FAM133B: variants seen among roughly 807,000 people sequenced by gnomAD.
FAM133B encodes the protein protein FAM133B.
Under a neutral mutation model 46.4 loss-of-function variants are expected in FAM133B, and 25 were observed. The observed-to-expected ratio is 0.54, with a 90% confidence interval of 0.39 to 0.75. FAM133B has a LOEUF of 0.75. FAM133B is among the 30% of genes least tolerant of loss of function. The pLI is 0.00. For synonymous variants in FAM133B, 75 were observed against 86.0 expected (o/e 0.87, Z 0.71); for missense variants, 205 against 277.6 (o/e 0.74, Z 1.86).
intron 9 of FAM133B, among the ~76,000 whole-genome samples, chr7:92,569,096 A>T (rs1019227931): frequency 3.3e-5 from 5 of 152,212 alleles, no homozygotes; most frequent in African/African-American, 1.2e-4. Flanking sequence ...AAGAATCATG[A>T]AAACCAGCTC....
intron 7 of FAM133B, among the ~76,000 whole-genome samples, chr7:92,576,095 G>A (rs75520111): frequency 0.044 from 6,728 of 152,246 alleles, 430 homozygotes; most frequent in East Asian, 0.31. Flanking sequence ...ATAGGACTTC[G>A]TGTCATTGCC....
intron 1 of FAM133B, among the ~76,000 whole-genome samples, chr7:92,583,569 T>C (rs1014723595): frequency 6.6e-6 from 1 of 152,150 alleles, no homozygotes; most frequent in African/African-American, 2.4e-5. Flanking sequence ...CAAAAACATA[T>C]TGAGGCAAAA....
At chr7:92,589,708 T>A (rs1585320898) in intron 1 of FAM133B, among the ~76,000 whole-genome samples, 1 of 152,162 alleles carries the variant, frequency 6.6e-6, no homozygotes, top group Admixed American at 6.5e-5. Flanking sequence ...TACAGGGCGC[T>A]GGAGACACGA....
chr7:92,566,550 G>T (rs1794355794), intron 9 of FAM133B, among the ~76,000 whole-genome samples: 1 of 152,208 alleles, frequency 6.6e-6, no homozygotes, highest in Non-Finnish European at 1.5e-5. Flanking sequence ...GTTGAGATGG[G>T]AGGATCACTT....
At chr7:92,572,086 T>C (rs540175758) in intron 8 of FAM133B, among the ~76,000 whole-genome samples, 11 of 152,284 alleles carry the variant, frequency 7.2e-5, no homozygotes, top group African/African-American at 2.4e-4. Flanking sequence ...AAAGCCTTTA[T>C]ATAATTATAA....
chr7:92,573,034 AAAAG>A (rs1281758852), intron 8 of FAM133B, among the ~76,000 whole-genome samples: 4 of 152,180 alleles, frequency 2.6e-5, no homozygotes, highest in Non-Finnish European at 4.4e-5. Context: ...AATTAAAAAA[AAAAG>A]AAACTCAATA....
At chr7:92,588,119 C>T (rs1014300168) in intron 1 of FAM133B, among the ~76,000 whole-genome samples, 1 of 152,138 alleles carries the variant, frequency 6.6e-6, no homozygotes, top group African/African-American at 2.4e-5. Flanking sequence ...TGTCTTCTAC[C>T]TCTTAATTTC....
At chr7:92,578,277 A>AC in intron 4 of FAM133B, 42 bp downstream of exon 4, 1 of 1,607,498 alleles carries the variant, frequency 6.2e-7, no homozygotes, top group Non-Finnish European at 8.5e-7. Flanking sequence ...TGAAAATCCA[A>AC]CTATGAGATT....
chr7:92,590,319 G>C lies in FAM133B; in HGVS notation c.-28C>G, dbSNP rs575996256. 4.3e-6 allele frequency: 7 copies of C among 1,613,574 alleles called. No homozygotes were observed. The highest frequency in any genetic ancestry group is 5.9e-6 in the Non-Finnish European group (7 of 1,179,728). Reference sequence around the variant, plus strand: ...TGCTGGATCGAGCGCACAGTAGCACGCCGAGGGAAACCGGGCCGGAGAGAC... The same window carrying C: ...TGCTGGATCGAGCGCACAGTAGCACCCCGAGGGAAACCGGGCCGGAGAGAC... On this transcript the variant is annotated 5_prime_UTR_variant, in exon 1 of 11. Transcript: ENST00000445716.
intron 1 of FAM133B, chr7:92,589,970 T>G: frequency 6.2e-6 from 3 of 481,938 alleles, no homozygotes; most frequent in South Asian, 2.7e-5. Flanking sequence ...GCCCTCGCGG[T>G]TCTAAGTGGG....
intron 1 of FAM133B, among the ~76,000 whole-genome samples, chr7:92,583,073 G>C (rs117047135): frequency 6.6e-6 from 1 of 152,114 alleles, no homozygotes; most frequent in Non-Finnish European, 1.5e-5. Flanking sequence ...TGGAAACAAC[G>C]CAAATGTCCA....
chr7:92,566,736 C>A (rs765601374), intron 9 of FAM133B, among the ~76,000 whole-genome samples: 5 of 152,196 alleles, frequency 3.3e-5, no homozygotes, highest in Non-Finnish European at 7.3e-5. Context: ...TAGATAATAT[C>A]CACCCTCAAG....
chr7:92,579,175 G>A (rs1027720671), intron 3 of FAM133B, 142 bp downstream of exon 3: 5 of 563,242 alleles, frequency 8.9e-6, no homozygotes, highest in South Asian at 5.8e-5. Context: ...AAGGGCGGCG[G>A]GGGGGGGCCT....
At position 92,562,167 on chromosome 7, in the gene FAM133B, T is replaced by C. The variant is rs1585291860; in HGVS notation, c.*115A>G. ...GAGTGGCTACTGAATAGTCCAGGAA[T>C]AATTCCAAAAACAAGAAAATTCATG... On this transcript the variant is annotated 3_prime_UTR_variant, in exon 11 of 11. Transcript: ENST00000445716. 7.6e-7 allele frequency: 1 copy of C among 1,323,630 alleles called. No individual in the cohort carries two copies. Among genetic ancestry groups the C allele is most frequent in the Non-Finnish European group, 1.0e-6 (1 of 993,642 alleles). 82.0% of individuals were successfully genotyped at this position (1,323,630 alleles called of 1,614,324 possible).
rs1488191163 is a variant in FAM133B at position 92,569,904 on chromosome 7, T to C, written c.528A>G (p.Gly176=). 3.7e-6 allele frequency: 5 copies of C among 1,353,322 alleles called. No homozygotes were observed. The highest frequency in any genetic ancestry group is 3.9e-6 in the Non-Finnish European group (4 of 1,032,316). The allele number at this position is 1,353,322 out of a possible 1,614,324, so 83.8% of individuals were successfully genotyped here. Residue 176 remains glycine, a synonymous_variant, in exon 9 of 11, where the codon GGA becomes GGG. Coordinates refer to ENST00000445716, the MANE Select transcript of FAM133B (RefSeq NM_152789.4). ...DGTEKEKDIK[G]LSKKRKMYSE... is the part of the protein sequence containing the mutation. ...AATACATCTTTCTCTTTTTGCTGAG[T>C]CCTTTAATATCCTATGAAAAATAAA...
intron 1 of FAM133B, among the ~76,000 whole-genome samples, chr7:92,582,759 G>A (rs1169700587): frequency 6.6e-6 from 1 of 152,138 alleles, no homozygotes; most frequent in African/African-American, 2.4e-5. Context: ...CTAGTCATTA[G>A]GGAAATGTAA....
chr7:92,583,990 C>T (rs1431333689), intron 1 of FAM133B, among the ~76,000 whole-genome samples: 2 of 131,204 alleles, frequency 1.5e-5, no homozygotes, highest in East Asian at 4.6e-4. Flanking sequence ...GCAGAGGTTG[C>T]AGTGAGCTGA....
intron 1 of FAM133B, among the ~76,000 whole-genome samples, chr7:92,584,064 A>G (rs1406927406): frequency 3.3e-5 from 5 of 150,428 alleles, no homozygotes; most frequent in South Asian, 4.2e-4. Flanking sequence ...AAAAAAAAAA[A>G]AAAAAAAAAG....
chr7:92,566,963 C>A (rs1354519549), intron 9 of FAM133B, among the ~76,000 whole-genome samples: 1 of 152,166 alleles, frequency 6.6e-6, no homozygotes, highest in African/African-American at 2.4e-5. Context: ...GTGATCCCAG[C>A]GCTTTGATAG....
Sources: gnomAD v4.1 joint callset for allele counts (sites outside exome capture counted in the v4.1 genomes callset) on GRCh38, gnomAD v4.1.1 for gene constraint, MANE v1.5 for transcripts, NCBI Gene and HGNC (gene_info 2026-07-23, HGNC 2026-07-21) for gene names.